The following SUMO3 variants were observed in gnomAD, a reference collection of about 807,000 sequenced individuals.
The protein encoded by SUMO3 is small ubiquitin-related modifier 3.
In SUMO3, 2 loss-of-function variants were observed where a neutral mutation model predicts 11.1. The ratio of observed to expected loss-of-function variants is 0.18; its 90% CI spans 0.07 to 0.57. The LOEUF (loss-of-function observed/expected upper bound fraction) is 0.57, where lower values mean the gene tolerates loss of function less well. Ranked by LOEUF, SUMO3 falls within the 20% of genes least tolerant of loss-of-function variation. The pLI is 0.92. For missense variants in SUMO3, 70 were observed against 132.8 expected, an observed-to-expected ratio of 0.53 and a Z score of 2.32; for synonymous variants, 56 against 53.5, an observed-to-expected ratio of 1.05 and a Z score of -0.20.
chr21:44,810,693 G>C lies in SUMO3; in HGVS notation c.151-1575C>G, dbSNP rs535468397. ...GGGCGCCTCCAGAACCTGCAATCCA[G>C]ACAGATCACCCCATGTGGATGCACA... is the stretch of plus-strand genomic sequence containing the variant. On this transcript the variant is annotated intron_variant, in intron 2 of 3. Transcript: ENST00000332859. This position sits in a 1 kb window ranked among gnomAD's most constrained non-coding sequence, Gnocchi z 4.1. Among the ~76,000 whole-genome samples, 10 of 152,186 alleles carry C rather than the reference G, an allele frequency of 6.6e-5. No individual in the cohort carries two copies. The highest frequency in any genetic ancestry group is 2.4e-4 in the African/African-American group (10 of 41,502).
In SUMO3 at chr21:44,810,637, T is replaced by C. The variant is rs1039923428; in HGVS notation, c.151-1519A>G. Reference sequence around the variant, plus strand: ...CGCCTCCAGGAGGCTGGCCGGAGCCTGGAGGACTCAACTCTCAAACTGTAG... The same window carrying C: ...CGCCTCCAGGAGGCTGGCCGGAGCCCGGAGGACTCAACTCTCAAACTGTAG... On this transcript the variant is annotated intron_variant, in intron 2 of 3. Transcript: ENST00000332859. This position sits in a 1 kb window ranked among gnomAD's most constrained non-coding sequence, Gnocchi z 4.1. Among the ~76,000 whole-genome samples the C allele has an allele frequency of 4.6e-5, 7 of 152,268 alleles. No homozygotes were observed. In the South Asian group the frequency reaches 8.3e-4, roughly 18 times the overall value.
chr21:44,814,782 G>A (rs1043369315), intron 1 of SUMO3, among the ~76,000 whole-genome samples: 1 of 152,164 alleles, frequency 6.6e-6, no homozygotes, highest in African/African-American at 2.4e-5. Flanking sequence ...GTACTTTCTG[G>A]TTTCAAACTG....
chr21:44,806,698 C>A lies in SUMO3; in HGVS notation c.*253G>T. On this transcript the variant is annotated 3_prime_UTR_variant, in exon 4 of 4. Transcript: ENST00000332859. ...GAGGGGGGGAAAACACAAATGAGCA[C>A]ACAAAAGTACCCACAATATCTTGCA... is the stretch of plus-strand genomic sequence containing the variant. The A allele has an allele frequency of 1.1e-6, 1 of 935,946 alleles. No individual in the cohort carries two copies. The highest frequency in any genetic ancestry group is 2.0e-5 in the South Asian group (1 of 50,452). The allele number at this position is 935,946 out of a possible 1,614,324, so 58.0% of individuals were successfully genotyped here. A position where few individuals can be genotyped will look rare whatever the true frequency, so the allele number is the denominator to read the frequency against.
chr21:44,806,676 G>C lies in SUMO3; in HGVS notation c.*275C>G, dbSNP rs138672270. ...TGGGGTTAAAAAAATGTTGTAGGAG[G>C]GGGGGAAAACACAAATGAGCACACA... is the stretch of plus-strand genomic sequence containing the variant. On this transcript the variant is annotated 3_prime_UTR_variant, in exon 4 of 4. Coordinates refer to ENST00000332859, the MANE Select transcript of SUMO3 (RefSeq NM_006936.3). 66 of 691,588 alleles carry C rather than the reference G, an allele frequency of 9.5e-5. No homozygotes were observed. Among genetic ancestry groups the C allele is most frequent in the Admixed American group, 8.3e-4 (22 of 26,380 alleles). The allele number at this position is 691,588 out of a possible 1,614,324, so 42.8% of individuals were successfully genotyped here. A position where few individuals can be genotyped will look rare whatever the true frequency, so the allele number is the denominator to read the frequency against.
chr21:44,809,710 A>C (rs1340560337), intron 2 of SUMO3, among the ~76,000 whole-genome samples: 1 of 152,220 alleles, frequency 6.6e-6, no homozygotes, highest in Admixed American at 6.5e-5. Flanking sequence ...GAGGAGCAGG[A>C]GAAAAGCTGG....
Position 44,806,043 on chromosome 21 carries a change from C to T in SUMO3, c.*908G>A, listed in dbSNP as rs764876567. The T allele has an allele frequency of 1.3e-5, 2 of 152,152 alleles. No homozygotes were observed. The highest frequency in any genetic ancestry group is 6.5e-5 in the Admixed American group (1 of 15,284). 9.4% of individuals were successfully genotyped at this position (152,152 alleles called of 1,614,324 possible). A position where few individuals can be genotyped will look rare whatever the true frequency, so the allele number is the denominator to read the frequency against. ...CACACTTGGAAGTAGCTCTTATACACGACAACATAACTGCAAATTCAGCAA... is the reference window on the plus strand; with the variant it reads ...CACACTTGGAAGTAGCTCTTATACATGACAACATAACTGCAAATTCAGCAA... On this transcript the variant is annotated 3_prime_UTR_variant, in exon 4 of 4. Transcript: ENST00000332859.
In SUMO3 at chr21:44,807,600, G is replaced by A. The variant is rs777105039; in HGVS notation, c.223-560C>T. Among the ~76,000 whole-genome samples, 4 of 152,230 alleles carry A rather than the reference G, an allele frequency of 2.6e-5. No individual in the cohort carries two copies. Among genetic ancestry groups the A allele is most frequent in the Middle Eastern group, 3.4e-3 (1 of 294 alleles). On this transcript the variant is annotated intron_variant, in intron 3 of 3. Transcript: ENST00000332859. The surrounding 1 kb of genome is among the most constrained non-coding windows in gnomAD (Gnocchi z 4.3). ...CACTTCTCTCCTCCTGACACAGTGG[G>A]CGCAAAACACCCACCCTGATCTTCT...
In SUMO3 at chr21:44,810,290, G is replaced by A. The variant is rs546408143; in HGVS notation, c.151-1172C>T. Among the ~76,000 whole-genome samples the A allele has an allele frequency of 6.6e-6, 1 of 152,352 alleles. No homozygotes were observed. Among genetic ancestry groups the A allele is most frequent in the South Asian group, 2.1e-4 (1 of 4,830 alleles). ...AGTGGGGATGGGCAGATATGTCAAT[G>A]CTGGGCTGAGCCAGAGGCTACTGAG... On this transcript the variant is annotated intron_variant, in intron 2 of 3. Transcript: ENST00000332859. This position sits in a 1 kb window ranked among gnomAD's most constrained non-coding sequence, Gnocchi z 4.1.
intron 1 of SUMO3, among the ~76,000 whole-genome samples, chr21:44,817,616 G>C (rs1374325673): frequency 6.6e-6 from 1 of 151,604 alleles, no homozygotes; most frequent in Non-Finnish European, 1.5e-5. Flanking sequence ...GGGATCCGAG[G>C]GCGCCGCGCT....
In SUMO3 at chr21:44,811,301, C is replaced by T. The variant is rs900123982; in HGVS notation, c.151-2183G>A. ...AATCAATTGCTACTGAGGATGGGTGCGGTGGCTCACACCTGTAATCCCAGC... is the reference window on the plus strand; with the variant it reads ...AATCAATTGCTACTGAGGATGGGTGTGGTGGCTCACACCTGTAATCCCAGC... On this transcript the variant is annotated intron_variant, in intron 2 of 3. Transcript: ENST00000332859. This position sits in a 1 kb window ranked among gnomAD's most constrained non-coding sequence, Gnocchi z 5.0. 2.0e-5 allele frequency among the ~76,000 whole-genome samples: 3 copies of T among 152,166 alleles called. No homozygotes were observed. Among genetic ancestry groups the T allele is most frequent in the African/African-American group, 4.8e-5 (2 of 41,452 alleles).
rs566847807 is a variant in SUMO3, at chr21:44,814,050, C to T, written c.76G>A (p.Gly26Ser). ...TTGATCTTGAACTGCACCACGGAGCCGTCCTGCCCGGCCACCTTCAGGTTG... is the reference window on the plus strand; with the variant it reads ...TTGATCTTGAACTGCACCACGGAGCTGTCCTGCCCGGCCACCTTCAGGTTG... ...HINLKVAGQD[G>S]SVVQFKIKRH... The change falls in exon 2 of 4, where the codon GGC (glycine) becomes AGC (serine). Residue 26 changes from glycine to serine, a missense_variant. Physicochemically the swap from Gly to Ser is moderately conservative, Grantham distance 56 (BLOSUM62 0). Coordinates refer to ENST00000332859, the MANE Select transcript of SUMO3 (RefSeq NM_006936.3). The T allele has an allele frequency of 5.6e-6, 9 of 1,613,878 alleles. No individual in the cohort carries two copies. The East Asian group carries it at 1.1e-4, about 20-fold the overall frequency.
chr21:44,817,654 C>A (rs966208668), intron 1 of SUMO3, among the ~76,000 whole-genome samples: 50 of 150,900 alleles, frequency 3.3e-4, no homozygotes, highest in Non-Finnish European at 1.2e-4. Context: ...CGGGGCCCGA[C>A]ACCGGGCGCT....
Position 44,807,426 on chromosome 21 carries a change from C to T in SUMO3, c.223-386G>A, listed in dbSNP as rs80015658. 2.0e-5 allele frequency among the ~76,000 whole-genome samples: 3 copies of T among 152,160 alleles called. No individual in the cohort carries two copies. The South Asian group carries it at 6.2e-4, about 31-fold the overall frequency. On this transcript the variant is annotated intron_variant, in intron 3 of 3. Transcript: ENST00000332859. The surrounding 1 kb of genome is among the most constrained non-coding windows in gnomAD (Gnocchi z 4.3). ...CACTGAGTCCTAGGACCCACAGGAG[C>T]CTTGCGCTTTATACCAAGTGCGGGG...
intron 1 of SUMO3, among the ~76,000 whole-genome samples, chr21:44,816,598 G>A (rs2083244767): frequency 6.6e-6 from 1 of 152,216 alleles, no homozygotes; most frequent in African/African-American, 2.4e-5. Context: ...CCACTGGGAT[G>A]TAACATAGAG....
In SUMO3 at chr21:44,807,305, G is replaced by C. The variant is rs2083183292; in HGVS notation, c.223-265C>G. Reference sequence around the variant, plus strand: ...GATTCAAAGCTAAAATGTTAACTGAGAGAAAAACTGAGTCTAGAAGATAAA... The same window carrying C: ...GATTCAAAGCTAAAATGTTAACTGACAGAAAAACTGAGTCTAGAAGATAAA... On this transcript the variant is annotated intron_variant, in intron 3 of 3. Transcript: ENST00000332859. This position sits in a 1 kb window ranked among gnomAD's most constrained non-coding sequence, Gnocchi z 4.3. 6.6e-6 allele frequency among the ~76,000 whole-genome samples: 1 copy of C among 152,156 alleles called. No individual in the cohort carries two copies.
Position 44,807,850 on chromosome 21 carries a change from G to C in SUMO3, c.223-810C>G, listed in dbSNP as rs1343664134. 2.0e-5 allele frequency among the ~76,000 whole-genome samples: 3 copies of C among 152,154 alleles called. No homozygotes were observed. Among genetic ancestry groups the C allele is most frequent in the Non-Finnish European group, 4.4e-5 (3 of 68,034 alleles). On this transcript the variant is annotated intron_variant, in intron 3 of 3. Transcript: ENST00000332859. The surrounding 1 kb of genome is among the most constrained non-coding windows in gnomAD (Gnocchi z 4.3). ...CCCTGACCCCCAGTCAAGCCCCAGAGACTCCACGAGGCCCTCCCTGCTCAG... is the reference window on the plus strand; with the variant it reads ...CCCTGACCCCCAGTCAAGCCCCAGACACTCCACGAGGCCCTCCCTGCTCAG...
intron 3 of SUMO3, chr21:44,808,667 C>T (rs867480890): frequency 8.0e-6 from 11 of 1,370,396 alleles, no homozygotes; most frequent in Middle Eastern, 1.9e-4. Context: ...ATTCTGCCCA[C>T]CCACGTCACT....
intron 1 of SUMO3, among the ~76,000 whole-genome samples, chr21:44,815,378 C>T (rs1785796484): frequency 6.6e-6 from 1 of 152,156 alleles, no homozygotes; most frequent in Non-Finnish European, 1.5e-5. Context: ...CAGCTGCGAG[C>T]CTGAAGGTGC....
At position 44,809,258 on chromosome 21, in the gene SUMO3, A is replaced by G. The variant is rs2016874; in HGVS notation, c.151-140T>C. 3.7e-3 allele frequency: 2,897 copies of G among 780,170 alleles called. 52 individuals are homozygous for G. In the African/African-American group the frequency reaches 0.043, roughly 12 times the overall value. The allele number at this position is 780,170 out of a possible 1,614,324, so 48.3% of individuals were successfully genotyped here. A position where few individuals can be genotyped will look rare whatever the true frequency, so the allele number is the denominator to read the frequency against. ...TTTCCAGATACGGCTTAATTCAAAA[A>G]CCAAATATTTTAATCCAAGTATCAG... On this transcript the variant is annotated intron_variant, in intron 2 of 3. Coordinates refer to ENST00000332859, the MANE Select transcript of SUMO3 (RefSeq NM_006936.3).
Sources: allele counts gnomAD v4.1 joint callset (sites outside exome capture counted in the v4.1 genomes callset), GRCh38; gene constraint gnomAD v4.1.1; non-coding constraint Gnocchi (gnomAD v3.1); transcripts MANE v1.5; gene names NCBI Gene and HGNC (gene_info 2026-07-23, HGNC 2026-07-21).